NAALAD2: variants seen among roughly 807,000 people sequenced by gnomAD.
NAALAD2 encodes the protein N-acetylated alpha-linked acidic dipeptidase 2.
NAALAD2 carries 89 observed loss-of-function variants against 95.6 expected under a neutral mutation model. The ratio of observed to expected loss-of-function variants is 0.93; its 90% CI spans 0.78 to 1.11. The LOEUF (loss-of-function observed/expected upper bound fraction) is 1.11. Among genes scored for constraint, NAALAD2 ranks in the 50% least tolerant of loss-of-function variants. The probability of loss-of-function intolerance (pLI) is 0.00; values close to 1 mark genes in which losing one functional copy is unlikely to be tolerated. For missense variants in NAALAD2, 894 were observed against 872.4 expected (o/e 1.02, Z -0.31); for synonymous variants, 264 against 294.4 (o/e 0.90, Z 1.06).
intron 8 of NAALAD2, among the ~76,000 whole-genome samples, chr11:90,161,373 G>A (rs1364628475): frequency 6.6e-6 from 1 of 152,180 alleles, no homozygotes; most frequent in East Asian, 1.9e-4. Context: ...GACAGGTAAA[G>A]TTGACCATAA....
At chr11:90,171,889 C>T (rs536990089) in intron 13 of NAALAD2, among the ~76,000 whole-genome samples, 1 of 152,190 alleles carries the variant, frequency 6.6e-6, no homozygotes, top group East Asian at 1.9e-4. Flanking sequence ...TGAGGTAAGA[C>T]TCATCTAGCC....
chr11:90,191,567 A>G lies in NAALAD2; in HGVS notation c.2043A>G (p.Ile681Met). The change falls in exon 19 of 19, where the codon ATA (isoleucine) becomes ATG (methionine). Residue 681 changes from isoleucine (I) to methionine (M), a missense_variant. Coordinates refer to ENST00000534061, the MANE Select transcript of NAALAD2 (RefSeq NM_005467.4). ...LPGKLFYRHIIFAPSSHNKYA... is the reference protein window; with the variant it reads ...LPGKLFYRHIMFAPSSHNKYA... Reference sequence around the variant, plus strand: ...GTTTTCTTCCTTTTAGGCACATCATATTTGCTCCAAGTAGCCACAACAAAT... The same window carrying G: ...GTTTTCTTCCTTTTAGGCACATCATGTTTGCTCCAAGTAGCCACAACAAAT... The G allele has an allele frequency of 6.3e-7, 1 of 1,586,962 alleles. No homozygotes were observed. The highest frequency in any genetic ancestry group is 8.6e-7 in the Non-Finnish European group (1 of 1,168,018).
intron 13 of NAALAD2, among the ~76,000 whole-genome samples, chr11:90,172,927 C>A (rs1591012045): frequency 6.6e-6 from 1 of 152,074 alleles, no homozygotes; most frequent in Non-Finnish European, 1.5e-5. Flanking sequence ...GGAACAAATA[C>A]ACCAAGTTAT....
chr11:90,176,327 AG>A (rs1180708579), intron 15 of NAALAD2, among the ~76,000 whole-genome samples: 1 of 152,210 alleles, frequency 6.6e-6, no homozygotes, highest in Non-Finnish European at 1.5e-5. Context: ...AGTACTAAGT[AG>A]TTCACATCCT....
chr11:90,135,506 G>T, intron 1 of NAALAD2, 53 bp from the exon 2 acceptor site: 2 of 1,311,612 alleles, frequency 1.5e-6, no homozygotes, highest in Non-Finnish European at 2.1e-6. Context: ...TTTTAATAAA[G>T]TCAAAGTGAT....
At position 90,192,638 on chromosome 11, in the gene NAALAD2, C is replaced by T. The variant is rs1427813812; in HGVS notation, c.*891C>T. The T allele has an allele frequency of 6.6e-6, 1 of 151,970 alleles. No homozygotes were observed. Among genetic ancestry groups the T allele is most frequent in the Non-Finnish European group, 1.5e-5 (1 of 67,884 alleles). 9.4% of individuals were successfully genotyped at this position (151,970 alleles called of 1,614,324 possible). On this transcript the variant is annotated 3_prime_UTR_variant, in exon 19 of 19. Coordinates refer to ENST00000534061, the MANE Select transcript of NAALAD2 (RefSeq NM_005467.4). ...TCTGCAAGGAAACCAGAATCATATACCTTCTCTTGTGAAATCACCATGAAG... is the reference window on the plus strand; with the variant it reads ...TCTGCAAGGAAACCAGAATCATATATCTTCTCTTGTGAAATCACCATGAAG...
At chr11:90,142,173 T>C (rs1951636260) in intron 2 of NAALAD2, among the ~76,000 whole-genome samples, 1 of 152,148 alleles carries the variant, frequency 6.6e-6, no homozygotes, top group Non-Finnish European at 1.5e-5. Flanking sequence ...ATATGATTTT[T>C]CTTTTTTAGC....
rs74771067 is a variant in NAALAD2, at chr11:90,144,071, T to C, written c.195-3259T>C. On this transcript the variant is annotated intron_variant, in intron 2 of 18. Transcript: ENST00000534061. The stretch of plus-strand genomic sequence containing the variant: ...CTGTTGTGAGGTGCTTTTTTGATGA[T>C]ACAGGAAAAGAATGAGTAGGAATGA... Among the ~76,000 whole-genome samples, 832 of 152,264 alleles carry C rather than the reference T, an allele frequency of 5.5e-3. 8 individuals carry two copies. Among genetic ancestry groups the C allele is most frequent in the African/African-American group, 0.019 (793 of 41,538 alleles).
intron 8 of NAALAD2, among the ~76,000 whole-genome samples, chr11:90,161,056 G>GA (rs1334146476): frequency 6.6e-6 from 1 of 152,090 alleles, no homozygotes; most frequent in Non-Finnish European, 1.5e-5. Flanking sequence ...CATCAGTAGA[G>GA]AAAAAATAAA....
chr11:90,155,770 A>G (rs575626730), intron 6 of NAALAD2, among the ~76,000 whole-genome samples: 34 of 132,042 alleles, frequency 2.6e-4, no homozygotes, highest in Admixed American at 5.7e-4. Context: ...TGTATTATGT[A>G]TGTAATATGT....
rs371791468 is a variant in NAALAD2 at position 90,163,443 on chromosome 11, CTT to C, written c.1195+16_1195+17del. 2.4e-4 allele frequency: 386 copies of C among 1,613,768 alleles called. 5 individuals carry two copies. The East Asian group carries it at 6.7e-3, about 28-fold the overall frequency. ...TGATGAGTAAAGGTAAACAACCTTT[CTT>C]TCCTAGGTGATGACAAAAAGTGACT... On this transcript the variant is annotated intron_variant, in intron 10 of 18. Coordinates refer to ENST00000534061, the MANE Select transcript of NAALAD2 (RefSeq NM_005467.4).
intron 12 of NAALAD2, chr11:90,169,629 G>A (rs1355669902): frequency 1.2e-5 from 2 of 161,136 alleles, no homozygotes; most frequent in Non-Finnish European, 2.7e-5. Context: ...AGAGATTCGT[G>A]TCTCTAGGCT....
chr11:90,166,827 T>C (rs1318697744), intron 11 of NAALAD2, among the ~76,000 whole-genome samples: 1 of 134,944 alleles, frequency 7.4e-6, no homozygotes, highest in East Asian at 2.2e-4. Flanking sequence ...AGAGCAAGAT[T>C]CTGTCTCCAA....
At chr11:90,150,686 T>C in intron 5 of NAALAD2, 79 bp downstream of exon 5, 2 of 1,268,200 alleles carry the variant, frequency 1.6e-6, no homozygotes, top group East Asian at 2.7e-5. Flanking sequence ...CTTGCTTCTC[T>C]GTTTCCAAAT....
At chr11:90,160,855 G>A (rs1952272947) in intron 8 of NAALAD2, among the ~76,000 whole-genome samples, 1 of 152,068 alleles carries the variant, frequency 6.6e-6, no homozygotes, top group South Asian at 2.1e-4. Context: ...AACTCAAAGT[G>A]GACAAATAAA....
At chr11:90,155,668 T>TTGTATGTATGTAATACATACATACATA (rs1590980923) in intron 6 of NAALAD2, among the ~76,000 whole-genome samples, 1 of 70,294 alleles carries the variant, frequency 1.4e-5, no homozygotes, top group Non-Finnish European at 2.3e-5. Flanking sequence ...TGTATTATTA[T>TTGTATGTATGTAATACATACATACATA]TGTATGTATG....
In NAALAD2 at chr11:90,152,285, A is replaced by T; in HGVS notation, c.610-13A>T. The T allele has an allele frequency of 4.4e-6, 7 of 1,575,482 alleles. No homozygotes were observed. The highest frequency in any genetic ancestry group is 6.1e-6 in the Non-Finnish European group (7 of 1,152,152). On this transcript the variant is annotated splice_polypyrimidine_tract_variant and intron_variant, in intron 5 of 18. Transcript: ENST00000534061. ...GCCATATCTGCATTATGAATTGCAC[A>T]TTGCCCCTGCAGGTTAAAAATGCCA... is the stretch of plus-strand genomic sequence containing the variant.
chr11:90,144,294 T>A (rs1951694829), intron 2 of NAALAD2, among the ~76,000 whole-genome samples: 1 of 152,128 alleles, frequency 6.6e-6, no homozygotes. Flanking sequence ...TCAAAAAAGC[T>A]GTTAGTTTTT....
intron 8 of NAALAD2, among the ~76,000 whole-genome samples, chr11:90,161,940 A>G (rs1952310536): frequency 6.7e-6 from 1 of 148,716 alleles, no homozygotes; most frequent in Non-Finnish European, 1.5e-5. Context: ...AAAAAAAAAC[A>G]TCGATTAGTT....
Sources: allele counts gnomAD v4.1 joint callset (sites outside exome capture counted in the v4.1 genomes callset), GRCh38; gene constraint gnomAD v4.1.1; transcripts MANE v1.5; gene names NCBI Gene and HGNC (gene_info 2026-07-23, HGNC 2026-07-21).